The following NDST4 variants were observed in gnomAD, a reference collection of about 807,000 sequenced individuals.
NDST4 encodes the protein N-heparan sulfate sulfotransferase 4.
NDST4 carries 63 observed loss-of-function variants against 100.8 expected under a neutral mutation model. That is an observed-to-expected ratio of 0.62 (90% confidence interval 0.51 to 0.77). The LOEUF is 0.77. Ranked by LOEUF, NDST4 falls within the 30% of genes least tolerant of loss-of-function variation. The probability of loss-of-function intolerance (pLI) is 0.00; values close to 1 mark genes in which losing one functional copy is unlikely to be tolerated. For missense variants in NDST4, 943 were observed against 1,018.4 expected (o/e 0.93, Z 1.01); for synonymous variants, 377 against 361.8 (o/e 1.04, Z -0.48).
At chr4:114,856,379 T>C (rs1026706932) in intron 7 of NDST4, among the ~76,000 whole-genome samples, 3 of 152,138 alleles carry the variant, frequency 2.0e-5, no homozygotes, top group African/African-American at 4.8e-5. Context: ...AATTTTCAGC[T>C]CTAATTTTTT....
chr4:114,865,213 C>T (rs1245142597), intron 7 of NDST4, among the ~76,000 whole-genome samples: 1 of 151,962 alleles, frequency 6.6e-6, no homozygotes, highest in Non-Finnish European at 1.5e-5. Flanking sequence ...TGCAGGCACA[C>T]ACCACCATGC....
chr4:114,988,183 ATTC>A (rs1187448499), intron 2 of NDST4, among the ~76,000 whole-genome samples: 1 of 151,932 alleles, frequency 6.6e-6, no homozygotes, highest in African/African-American at 2.4e-5. Flanking sequence ...AAAGCATCTT[ATTC>A]TTGCTGAGAA....
At chr4:115,070,168 A>G (rs1729044269) in intron 2 of NDST4, among the ~76,000 whole-genome samples, 1 of 152,218 alleles carries the variant, frequency 6.6e-6, no homozygotes, top group South Asian at 2.1e-4. Flanking sequence ...TATGCAATTG[A>G]TCTAAATGTC....
intron 4 of NDST4, among the ~76,000 whole-genome samples, chr4:114,953,959 A>C (rs1461804505): frequency 6.6e-6 from 1 of 152,184 alleles, no homozygotes; most frequent in African/African-American, 2.4e-5. Context: ...AGCCACTCAT[A>C]TAAATGAGCT....
intron 6 of NDST4, among the ~76,000 whole-genome samples, chr4:114,887,448 G>C (rs1724503605): frequency 6.6e-6 from 1 of 152,140 alleles, no homozygotes; most frequent in Admixed American, 6.5e-5. Flanking sequence ...TGTTTAAGAG[G>C]ATGTCTGCCT....
At chr4:114,836,971 C>A (rs931515773) in intron 11 of NDST4, among the ~76,000 whole-genome samples, 1 of 152,050 alleles carries the variant, frequency 6.6e-6, no homozygotes, top group Non-Finnish European at 1.5e-5. Context: ...CTCCATCAGG[C>A]CATTTAGGTT....
intron 1 of NDST4, among the ~76,000 whole-genome samples, chr4:115,105,704 G>T (rs1729820514): frequency 1.3e-5 from 2 of 152,118 alleles, no homozygotes; most frequent in Non-Finnish European, 2.9e-5. Context: ...ATTCCAGCCT[G>T]TGTTTGTTGC....
At chr4:114,836,738 C>T (rs758494308) in intron 11 of NDST4, among the ~76,000 whole-genome samples, 7 of 152,190 alleles carry the variant, frequency 4.6e-5, no homozygotes, top group Non-Finnish European at 7.3e-5. Context: ...TTCTCCCTGT[C>T]ACATTCAAGT....
chr4:114,922,362 T>C (rs911511552), intron 6 of NDST4, among the ~76,000 whole-genome samples: 5 of 152,130 alleles, frequency 3.3e-5, no homozygotes, highest in African/African-American at 1.2e-4. Context: ...AAACACACCA[T>C]GCATGCTCAC....
intron 1 of NDST4, among the ~76,000 whole-genome samples, chr4:115,085,985 C>A (rs1052074707): frequency 7.2e-5 from 11 of 151,896 alleles, no homozygotes; most frequent in African/African-American, 2.7e-4. Context: ...ATTTGGATAC[C>A]AATGTAAGAT....
chr4:115,031,975 T>C (rs1231912429), intron 2 of NDST4, among the ~76,000 whole-genome samples: 1 of 152,090 alleles, frequency 6.6e-6, no homozygotes, highest in Non-Finnish European at 1.5e-5. Flanking sequence ...ATCAGAAACA[T>C]ATTTTTTCCT....
intron 6 of NDST4, among the ~76,000 whole-genome samples, chr4:114,899,918 T>C (rs959606687): frequency 3.9e-5 from 6 of 152,176 alleles, no homozygotes; most frequent in African/African-American, 1.2e-4. Context: ...TGCTGTGATT[T>C]TTTTCCTTAA....
intron 2 of NDST4, among the ~76,000 whole-genome samples, chr4:115,058,950 T>G (rs935128639): frequency 6.6e-6 from 1 of 151,206 alleles, no homozygotes; most frequent in African/African-American, 2.4e-5. Context: ...TAGATGGGAA[T>G]AGCTGAAACT....
intron 6 of NDST4, among the ~76,000 whole-genome samples, chr4:114,907,932 C>T (rs376294603): frequency 2.0e-5 from 3 of 152,174 alleles, no homozygotes; most frequent in South Asian, 2.1e-4. Flanking sequence ...TGTGAAGAAA[C>T]GTGGAGCTAT....
chr4:114,843,278 G>A (rs1184537506), intron 10 of NDST4, among the ~76,000 whole-genome samples: 2 of 152,138 alleles, frequency 1.3e-5, no homozygotes, highest in African/African-American at 4.8e-5. Flanking sequence ...TCAGAATGCA[G>A]GCAGGGTTGC....
chr4:114,922,546 CT>C (rs1166842090), intron 6 of NDST4, among the ~76,000 whole-genome samples: 1 of 152,176 alleles, frequency 6.6e-6, no homozygotes, highest in Non-Finnish European at 1.5e-5. Context: ...GTGTAATTTA[CT>C]TCCTTTTGTT....
At chr4:115,094,341 A>G (rs1361213639) in intron 1 of NDST4, among the ~76,000 whole-genome samples, 1 of 152,140 alleles carries the variant, frequency 6.6e-6, no homozygotes, top group Non-Finnish European at 1.5e-5. Flanking sequence ...AGAATAATGT[A>G]ATTCCAACCT....
intron 4 of NDST4, among the ~76,000 whole-genome samples, chr4:114,939,858 A>G (rs538777020): frequency 1.1e-4 from 16 of 152,242 alleles, no homozygotes; most frequent in African/African-American, 3.9e-4. Context: ...TATAATTATG[A>G]GTTTATGCTT....
chr4:114,871,190 T>C (rs1407553030), intron 6 of NDST4, among the ~76,000 whole-genome samples: 1 of 152,162 alleles, frequency 6.6e-6, no homozygotes, highest in Non-Finnish European at 1.5e-5. Flanking sequence ...ATAGCATTAC[T>C]TTGCATATCA....
Sources: allele counts gnomAD v4.1 joint callset (sites outside exome capture counted in the v4.1 genomes callset), GRCh38; gene constraint gnomAD v4.1.1; transcripts MANE v1.5; gene names NCBI Gene and HGNC (gene_info 2026-07-23, HGNC 2026-07-21).